Variants in STAB2 observed in about 807,000 individuals in gnomAD.
STAB2 encodes the protein stabilin-2.
In STAB2, 288 loss-of-function variants were observed where a neutral mutation model predicts 338.1. That is an observed-to-expected ratio of 0.85 (90% CI 0.77 to 0.94). The LOEUF is 0.94. STAB2 is among the 40% of genes least tolerant of loss of function. The pLI is 0.00. For missense variants in STAB2, 3,141 were observed against 3,210.1 expected, an observed-to-expected ratio of 0.98 and a Z score of 0.52; for synonymous variants, 1,202 against 1,193.3, an observed-to-expected ratio of 1.01 and a Z score of -0.15.
rs1204603700 is a variant in STAB2 at position 103,746,578 on chromosome 12, G to C, written c.6137-19G>C. 5.6e-6 allele frequency: 9 copies of C among 1,612,358 alleles called. No individual in the cohort carries two copies. The highest frequency in any genetic ancestry group is 7.6e-6 in the Non-Finnish European group (9 of 1,178,454). ...TTCACACCATGGGTACAGAATGAAAGTGGCCCCTTTCTTTGCAGTTTTGCC... is the reference window on the plus strand; with the variant it reads ...TTCACACCATGGGTACAGAATGAAACTGGCCCCTTTCTTTGCAGTTTTGCC... On this transcript the variant is annotated intron_variant, in intron 57 of 68. Transcript: ENST00000388887.
At chr12:103,693,542 A>C (rs703652) in intron 31 of STAB2, among the ~76,000 whole-genome samples, 5 of 151,930 alleles carry the variant, frequency 3.3e-5, no homozygotes, top group African/African-American at 9.7e-5. Flanking sequence ...ATGTGATTAC[A>C]TATCATTTTT....
At chr12:103,638,373 G>C (rs960053651) in intron 8 of STAB2, among the ~76,000 whole-genome samples, 161 bp downstream of exon 8, 5 of 152,160 alleles carry the variant, frequency 3.3e-5, no homozygotes, top group Admixed American at 1.3e-4. Context: ...CCTGAAATCA[G>C]TGCCTGCTCA....
chr12:103,587,505 G>A lies in STAB2; in HGVS notation c.29G>A (p.Cys10Tyr), dbSNP rs1334960708. 3.7e-6 allele frequency: 6 copies of A among 1,613,888 alleles called. No homozygotes were observed. Among genetic ancestry groups the A allele is most frequent in the African/African-American group, 1.3e-5 (1 of 74,926 alleles). MMLQHLVIF[C>Y]LGLVVQNFCS... ...ATGCTACAACATTTAGTAATTTTTT[G>A]TCTTGGATTGGTTGTACAAAATTTC... is the stretch of plus-strand genomic sequence containing the variant. The change falls in exon 1 of 69, where the codon TGT becomes TAT. Residue 10 changes from cysteine to tyrosine, a missense_variant. Coordinates refer to ENST00000388887, the MANE Select transcript of STAB2 (RefSeq NM_017564.10).
Position 103,755,354 on chromosome 12 carries a change from A to AC in STAB2, c.6771dup (p.Thr2258HisfsTer21). On this transcript the variant is annotated frameshift_variant, in exon 62 of 69. Transcript: ENST00000388887. LOFTEE classifies it high-confidence loss of function. ...TGGCTGGAGACCGGGCGGGTTGCCT[A>AC]CCCCACAGCCTTCGCCTCCCAGAAC... is the stretch of plus-strand genomic sequence containing the variant. 1.2e-6 allele frequency: 2 copies of AC among 1,614,036 alleles called. No homozygotes were observed. Among genetic ancestry groups the AC allele is most frequent in the African/African-American group, 1.3e-5 (1 of 75,008 alleles).
At chr12:103,704,897 G>A (rs565722869) in intron 36 of STAB2, 40 of 246,072 alleles carry the variant, frequency 1.6e-4, no homozygotes, top group East Asian at 6.4e-4. Flanking sequence ...GTTGAGGACC[G>A]CAGCAAGAAA....
chr12:103,711,770 T>C (rs952830766), intron 40 of STAB2, among the ~76,000 whole-genome samples: 7 of 152,210 alleles, frequency 4.6e-5, no homozygotes, highest in Non-Finnish European at 1.0e-4. Flanking sequence ...CAGTCCAAGC[T>C]ACCAGGACTC....
At chr12:103,762,208 CAAGG>C in intron 66 of STAB2, 62 bp from the exon 67 acceptor site, 1 of 1,594,160 alleles carries the variant, frequency 6.3e-7, no homozygotes. Context: ...CTCGGGCCAC[CAAGG>C]GTTCCCCTTT....
In STAB2 at chr12:103,655,582, G is replaced by A; in HGVS notation, c.1734+1G>A. 1 of 1,613,634 alleles carries A rather than the reference G, an allele frequency of 6.2e-7. No homozygotes were observed. Among genetic ancestry groups the A allele is most frequent in the East Asian group, 2.2e-5 (1 of 44,840 alleles). On this transcript the variant is annotated splice_donor_variant, in intron 15 of 68. Coordinates refer to ENST00000388887, the MANE Select transcript of STAB2 (RefSeq NM_017564.10). LOFTEE classifies it high-confidence loss of function. ...TCTCGATTACCTCCTTTCTCCAGAG[G>A]TACCGTATTCTGCTTGCTCTGATGG...
In STAB2 at chr12:103,640,249, C is replaced by T. The variant is rs1307775535; in HGVS notation, c.1033C>T (p.Arg345Ter). The change falls in exon 9 of 69, where the codon CGA becomes TGA. Residue 345 changes from arginine to a stop codon, truncating the protein, a stop_gained. Transcript: ENST00000388887. LOFTEE classifies it high-confidence loss of function. ...AAATTGCACCACCGTCGCACCAGGCCGAACTGAGTAAGTCTTTTCAATTCC... is the reference window on the plus strand; with the variant it reads ...AAATTGCACCACCGTCGCACCAGGCTGAACTGAGTAAGTCTTTTCAATTCC... ...NANCTTVAPG[R>*]TECICQKGYV... 2.5e-6 allele frequency: 4 copies of T among 1,612,296 alleles called. No individual in the cohort carries two copies. Among genetic ancestry groups the T allele is most frequent in the Admixed American group, 1.7e-5 (1 of 59,874 alleles).
Position 103,587,395 on chromosome 12 carries a change from A to T in STAB2, c.-82A>T. On this transcript the variant is annotated 5_prime_UTR_variant, in exon 1 of 69. Coordinates refer to ENST00000388887, the MANE Select transcript of STAB2 (RefSeq NM_017564.10). ...TAAACAGTGAAATGAGAAAGAATTC[A>T]CTGGGAGTTTATCAAACTAAGTTAA... The T allele has an allele frequency of 9.1e-7, 1 of 1,093,360 alleles. No individual in the cohort carries two copies. Among genetic ancestry groups the T allele is most frequent in the Non-Finnish European group, 1.4e-6 (1 of 735,464 alleles). 67.7% of individuals were successfully genotyped at this position (1,093,360 alleles called of 1,614,324 possible).
At chr12:103,637,081 T>G (rs1957558898) in intron 6 of STAB2, 30 bp from the exon 7 acceptor site, 1 of 1,583,952 alleles carries the variant, frequency 6.3e-7, no homozygotes, top group Non-Finnish European at 8.6e-7. Context: ...ATTCTACTAA[T>G]GCAAGTACTT....
At chr12:103,615,832 C>G (rs1453398110) in intron 3 of STAB2, among the ~76,000 whole-genome samples, 1 of 152,164 alleles carries the variant, frequency 6.6e-6, no homozygotes, top group East Asian at 1.9e-4. Flanking sequence ...ATAAAGCCAT[C>G]AGATCTCGTG....
Position 103,668,576 on chromosome 12 carries a change from G to A in STAB2, c.2086-67G>A, listed in dbSNP as rs1349959882. 2.9e-6 allele frequency: 4 copies of A among 1,361,706 alleles called. No individual in the cohort carries two copies. The African/African-American group carries it at 4.3e-5, about 15-fold the overall frequency. The allele number at this position is 1,361,706 out of a possible 1,614,324, so 84.4% of individuals were successfully genotyped here. On this transcript the variant is annotated intron_variant, in intron 19 of 68. Transcript: ENST00000388887. Reference sequence around the variant, plus strand: ...AAGTACAATGGCAAGTGTCTGCAGAGGGTGTGCAGTGCCTGGAGGACCTAA... The same window carrying A: ...AAGTACAATGGCAAGTGTCTGCAGAAGGTGTGCAGTGCCTGGAGGACCTAA...
intron 58 of STAB2, among the ~76,000 whole-genome samples, chr12:103,747,091 G>A (rs7979428): frequency 0.33 from 49,515 of 151,318 alleles, 8,957 homozygotes; most frequent in East Asian, 0.73. Context: ...CAAGTAGCTG[G>A]GATTACAGGC....
chr12:103,704,842 G>A lies in STAB2; in HGVS notation c.3900+228G>A, dbSNP rs529565352. Reference sequence around the variant, plus strand: ...TGGGTTCATATGAATCAACAGACAGGACAGAAATTTTTTATGCTCTACGTC... The same window carrying A: ...TGGGTTCATATGAATCAACAGACAGAACAGAAATTTTTTATGCTCTACGTC... On this transcript the variant is annotated intron_variant, in intron 36 of 68. Coordinates refer to ENST00000388887, the MANE Select transcript of STAB2 (RefSeq NM_017564.10). 4.8e-5 allele frequency: 20 copies of A among 420,194 alleles called. 1 individual carries two copies. In the South Asian group the frequency reaches 4.9e-4, roughly 10 times the overall value. The allele number at this position is 420,194 out of a possible 1,614,324, so 26.0% of individuals were successfully genotyped here.
At chr12:103,692,612 T>C (rs1164474420) in intron 30 of STAB2, among the ~76,000 whole-genome samples, 200 bp from the exon 31 acceptor site, 3 of 146,592 alleles carry the variant, frequency 2.0e-5, no homozygotes, top group African/African-American at 7.4e-5. Flanking sequence ...TGTGTGTGTG[T>C]GCGTGTGCAC....
intron 25 of STAB2, among the ~76,000 whole-genome samples, chr12:103,682,329 C>T (rs1593228581): frequency 6.6e-6 from 1 of 152,126 alleles, no homozygotes; most frequent in Admixed American, 6.5e-5. Context: ...GAAATCAGGC[C>T]AGGGGAGGAT....
chr12:103,632,832 T>C (rs1354441748), intron 6 of STAB2, among the ~76,000 whole-genome samples: 1 of 152,208 alleles, frequency 6.6e-6, no homozygotes, highest in Non-Finnish European at 1.5e-5. Flanking sequence ...ACTCACAGGA[T>C]GGCAGAGCCG....
chr12:103,745,421 T>C lies in STAB2; in HGVS notation c.6136+144T>C, dbSNP rs567707265. On this transcript the variant is annotated intron_variant, in intron 57 of 68. Transcript: ENST00000388887. ...TGTGGTAAAAGATAATTCAGATCTG[T>C]AGCCCCGGGCCTCAGGAGGATGGAG... 52 of 673,406 alleles carry C rather than the reference T, an allele frequency of 7.7e-5. 1 individual carries two copies. In the East Asian group the frequency reaches 8.2e-4, roughly 11 times the overall value. 41.7% of individuals were successfully genotyped at this position (673,406 alleles called of 1,614,324 possible).
Sources: allele counts gnomAD v4.1 joint callset (sites outside exome capture counted in the v4.1 genomes callset), GRCh38; gene constraint gnomAD v4.1.1; transcripts MANE v1.5; gene names NCBI Gene and HGNC (gene_info 2026-07-23, HGNC 2026-07-21).